The following MAFF variants were observed in gnomAD, a reference collection of about 807,000 sequenced individuals.
MAFF encodes MAF bZIP transcription factor F.
MAFF carries 4 observed loss-of-function variants against 2.7 expected under a neutral mutation model. The ratio of observed to expected loss-of-function variants is 1.48; its 90% CI spans 0.73 to 3.39. The LOEUF (loss-of-function observed/expected upper bound fraction) is 3.39. MAFF is among the 30% of genes most tolerant of loss of function. The probability of loss-of-function intolerance (pLI) is 0.01; values close to 1 mark genes in which losing one functional copy is unlikely to be tolerated. For missense variants in MAFF, 190 were observed against 246.6 expected, an observed-to-expected ratio of 0.77 and a Z score of 1.54; for synonymous variants, 113 against 119.4, an observed-to-expected ratio of 0.95 and a Z score of 0.35.
At chr22:38,212,635 T>C (rs193256583) in intron 1 of MAFF, among the ~76,000 whole-genome samples, 5 of 152,144 alleles carry the variant, frequency 3.3e-5, no homozygotes, top group South Asian at 2.1e-4. Flanking sequence ...GAGGCCCTCA[T>C]TGGTCTAGGG....
chr22:38,204,080 A>C (rs987336861), intron 1 of MAFF: 1 of 152,200 alleles, frequency 6.6e-6, no homozygotes, highest in African/African-American at 2.4e-5. Context: ...TCCCAGATGG[A>C]AAGTTAGCAC....
At position 38,214,587 on chromosome 22, in the gene MAFF, C is replaced by A; in HGVS notation, c.204C>A (p.Cys68Ter). The change falls in exon 3 of 3, where the codon TGC becomes TGA. Residue 68 changes from cysteine to a stop codon, truncating the protein, a stop_gained. Transcript: ENST00000338483. LOFTEE classifies it high-confidence loss of function. This position sits in a 1 kb window ranked among gnomAD's most constrained non-coding sequence, Gnocchi z 6.3. ...TLKNRGYAAS[C>*]RVKRVCQKEE... ...AAAACCGTGGCTACGCCGCCAGCTG[C>A]CGCGTGAAGCGCGTGTGCCAGAAGG... 6.3e-7 allele frequency: 1 copy of A among 1,591,400 alleles called. No homozygotes were observed. Among genetic ancestry groups the A allele is most frequent in the Non-Finnish European group, 8.5e-7 (1 of 1,169,990 alleles).
At chr22:38,209,579 G>A (rs1471608860) in intron 1 of MAFF, among the ~76,000 whole-genome samples, 5 of 151,898 alleles carry the variant, frequency 3.3e-5, no homozygotes, top group African/African-American at 9.7e-5. Flanking sequence ...TCAGGAGGCC[G>A]AGGCAGGTGG....
intron 1 of MAFF, chr22:38,203,047 C>T (rs1048028874): frequency 1.3e-5 from 2 of 152,274 alleles, no homozygotes; most frequent in African/African-American, 2.4e-5. Flanking sequence ...GGGATGTGAG[C>T]CACCCCCGCT....
intron 1 of MAFF, among the ~76,000 whole-genome samples, chr22:38,209,627 A>G (rs1001260673): frequency 6.6e-6 from 1 of 151,696 alleles, no homozygotes; most frequent in Non-Finnish European, 1.5e-5. Flanking sequence ...AGCCTGACCA[A>G]TATGGTGAAA....
intron 1 of MAFF, among the ~76,000 whole-genome samples, chr22:38,209,365 G>A (rs143734382): frequency 3.9e-5 from 6 of 152,160 alleles, no homozygotes; most frequent in African/African-American, 9.6e-5. Context: ...TTGCCCAGCC[G>A]AACCATGGAA....
intron 1 of MAFF, among the ~76,000 whole-genome samples, chr22:38,208,442 A>G (rs1325226726): frequency 6.6e-6 from 1 of 152,128 alleles, no homozygotes; most frequent in Non-Finnish European, 1.5e-5. Flanking sequence ...CTCTCTTCCC[A>G]TTCGCCTAGC....
intron 1 of MAFF, among the ~76,000 whole-genome samples, chr22:38,207,423 CTTTTTTTTTTTTTTTTT>C (rs71195092): frequency 7.7e-5 from 6 of 78,296 alleles, no homozygotes; most frequent in African/African-American, 1.0e-4. Flanking sequence ...GCTTGGCCAT[CTTTTTTTTTTTTTTTTT>C]TTTTTTTTTT....
chr22:38,212,037 G>T (rs2091105230), intron 1 of MAFF, among the ~76,000 whole-genome samples: 1 of 151,830 alleles, frequency 6.6e-6, no homozygotes, highest in African/African-American at 2.4e-5. Flanking sequence ...TGTCACCCAG[G>T]CTCCCAGGCT....
intron 1 of MAFF, among the ~76,000 whole-genome samples, chr22:38,207,591 C>G (rs569340160): frequency 9.9e-5 from 15 of 150,822 alleles, no homozygotes; most frequent in African/African-American, 3.2e-4. Flanking sequence ...AGGCGCCCAC[C>G]ACCACACCCG....
At chr22:38,209,252 AGAC>A (rs752283866) in intron 1 of MAFF, among the ~76,000 whole-genome samples, 2 of 151,654 alleles carry the variant, frequency 1.3e-5, no homozygotes, top group Non-Finnish European at 2.9e-5. Context: ...TTTTTAGTAG[AGAC>A]GGGGTTTCAC....
chr22:38,214,965 C>A lies in MAFF; in HGVS notation c.*87C>A. On this transcript the variant is annotated 3_prime_UTR_variant, in exon 3 of 3. Coordinates refer to ENST00000338483, the MANE Select transcript of MAFF (RefSeq NM_012323.4). This position sits in a 1 kb window ranked among gnomAD's most constrained non-coding sequence, Gnocchi z 6.3. ...TGAGCGCCGCCTCTGTGCCCAGGTC[C>A]CATTTCTCTGCAGCACTGGCCCCTT... 1.1e-5 allele frequency: 11 copies of A among 1,013,034 alleles called. No individual in the cohort carries two copies. The highest frequency in any genetic ancestry group is 2.2e-5 in the Admixed American group (1 of 46,442). 62.8% of individuals were successfully genotyped at this position (1,013,034 alleles called of 1,614,324 possible).
At chr22:38,210,445 C>G (rs958251331) in intron 1 of MAFF, among the ~76,000 whole-genome samples, 1 of 152,148 alleles carries the variant, frequency 6.6e-6, no homozygotes, top group African/African-American at 2.4e-5. Flanking sequence ...CTGCGAGGTG[C>G]CAGGCGCGGT....
chr22:38,210,343 TG>T (rs1473570612), intron 1 of MAFF, among the ~76,000 whole-genome samples: 2 of 152,132 alleles, frequency 1.3e-5, no homozygotes, highest in African/African-American at 4.8e-5. Context: ...CTGTGTGGGC[TG>T]GGAGGAGCTG....
rs986952239 is a variant in MAFF at position 38,202,370 on chromosome 22, C to G, written c.-32+158C>G. ...CTCGGGGCGGGGAGAAGGGAGCGGC[C>G]GTCCCGGGGACGCCGAGGACGGGGC... On this transcript the variant is annotated intron_variant, in intron 1 of 2. Coordinates refer to ENST00000338483, the MANE Select transcript of MAFF (RefSeq NM_012323.4). The surrounding 1 kb of genome is among the most constrained non-coding windows in gnomAD (Gnocchi z 7.4). 6.6e-6 allele frequency: 1 copy of G among 151,882 alleles called. No individual in the cohort carries two copies. Among genetic ancestry groups the G allele is most frequent in the African/African-American group, 2.4e-5 (1 of 41,364 alleles). 9.4% of individuals were successfully genotyped at this position (151,882 alleles called of 1,614,324 possible).
chr22:38,214,955 T>C lies in MAFF; in HGVS notation c.*77T>C. The C allele has an allele frequency of 1.8e-6, 2 of 1,086,936 alleles. No homozygotes were observed. Among genetic ancestry groups the C allele is most frequent in the Non-Finnish European group, 2.7e-6 (2 of 739,292 alleles). The allele number at this position is 1,086,936 out of a possible 1,614,324, so 67.3% of individuals were successfully genotyped here. On this transcript the variant is annotated 3_prime_UTR_variant, in exon 3 of 3. Coordinates refer to ENST00000338483, the MANE Select transcript of MAFF (RefSeq NM_012323.4). This position sits in a 1 kb window ranked among gnomAD's most constrained non-coding sequence, Gnocchi z 6.3. Reference sequence around the variant, plus strand: ...CCAAAGTGCCTGAGCGCCGCCTCTGTGCCCAGGTCCCATTTCTCTGCAGCA... The same window carrying C: ...CCAAAGTGCCTGAGCGCCGCCTCTGCGCCCAGGTCCCATTTCTCTGCAGCA...
At chr22:38,206,735 C>T (rs922937374) in intron 1 of MAFF, among the ~76,000 whole-genome samples, 7 of 152,198 alleles carry the variant, frequency 4.6e-5, no homozygotes, top group African/African-American at 1.7e-4. Flanking sequence ...GGAAAAATGA[C>T]TTGTGCATGA....
At chr22:38,206,950 G>A (rs543927598) in intron 1 of MAFF, among the ~76,000 whole-genome samples, 7 of 152,038 alleles carry the variant, frequency 4.6e-5, no homozygotes, top group Admixed American at 2.0e-4. Flanking sequence ...TATCCCTAGC[G>A]GGCCCAACAC....
intron 1 of MAFF, among the ~76,000 whole-genome samples, chr22:38,204,583 G>T (rs928207000): frequency 6.6e-6 from 1 of 152,178 alleles, no homozygotes; most frequent in Non-Finnish European, 1.5e-5. Context: ...GGGAACCCCA[G>T]AGAAACAGGA....
Sources: gnomAD v4.1 joint callset for allele counts (sites outside exome capture counted in the v4.1 genomes callset) on GRCh38, gnomAD v4.1.1 for gene constraint, Gnocchi (gnomAD v3.1) non-coding constraint, MANE v1.5 for transcripts, NCBI Gene and HGNC (gene_info 2026-07-23, HGNC 2026-07-21) for gene names.